Variants in SPATA13 observed in about 807,000 individuals in gnomAD.
SPATA13 encodes spermatogenesis associated 13.
A neutral mutation model predicts 104.0 loss-of-function variants in SPATA13; 50 were observed. That is an observed-to-expected ratio of 0.48 (90% CI 0.38 to 0.61). SPATA13 has a LOEUF of 0.61. Among genes scored for constraint, SPATA13 ranks in the 20% least tolerant of loss-of-function variants. The pLI, the probability that SPATA13 is intolerant of heterozygous loss-of-function variation, is 0.00. For synonymous variants in SPATA13, 606 were observed against 667.5 expected (o/e 0.91, Z 1.42); for missense variants, 1,524 against 1,690.6 (o/e 0.90, Z 1.73).
chr13:24,030,826 G>A (rs1258177262), intron 3 of SPATA13, among the ~76,000 whole-genome samples: 2 of 152,152 alleles, frequency 1.3e-5, no homozygotes, highest in African/African-American at 4.8e-5. Flanking sequence ...TGCCAGCAGT[G>A]GAAAAGACCT....
intron 1 of SPATA13, among the ~76,000 whole-genome samples, chr13:24,163,703 C>T (rs1423752226): frequency 1.3e-5 from 2 of 152,108 alleles, no homozygotes; most frequent in Non-Finnish European, 1.5e-5. Flanking sequence ...ATGAGGAAAC[C>T]GTGGTCCAGG....
intron 3 of SPATA13, among the ~76,000 whole-genome samples, chr13:24,129,263 T>C (rs7331492): frequency 0.67 from 102,050 of 152,176 alleles, 34,794 homozygotes; most frequent in East Asian, 0.87. Context: ...CATCAAAGTC[T>C]GAGTACAGCG....
At chr13:24,092,442 T>C (rs1029562179) in intron 3 of SPATA13, among the ~76,000 whole-genome samples, 3 of 152,220 alleles carry the variant, frequency 2.0e-5, no homozygotes, top group Non-Finnish European at 4.4e-5. Context: ...TAAAAAGAGA[T>C]AATGGTTTAT....
At chr13:24,107,237 CAAAAA>C (rs11421515) in intron 3 of SPATA13, among the ~76,000 whole-genome samples, 19 of 34,276 alleles carry the variant, frequency 5.5e-4, no homozygotes, top group African/African-American at 2.2e-3. Flanking sequence ...GAACAAGAGG[CAAAAA>C]AAAAAAAAAA....
chr13:24,032,998 A>G (rs1422302607), intron 3 of SPATA13, among the ~76,000 whole-genome samples: 1 of 152,238 alleles, frequency 6.6e-6, no homozygotes, highest in Non-Finnish European at 1.5e-5. Flanking sequence ...TGTGTAATAC[A>G]ATACTTTTCA....
intron 2 of SPATA13, among the ~76,000 whole-genome samples, chr13:24,012,072 T>G (rs1302331059): frequency 4.6e-5 from 7 of 152,208 alleles, no homozygotes; most frequent in African/African-American, 1.7e-4. Flanking sequence ...TGTCTGACCA[T>G]GGGCCCCAGC....
intron 3 of SPATA13, among the ~76,000 whole-genome samples, chr13:24,098,803 T>C (rs1245812139): frequency 6.6e-6 from 1 of 151,576 alleles, no homozygotes; most frequent in African/African-American, 2.4e-5. Context: ...GGTGCGTGCA[T>C]GTAGTCCTAG....
At chr13:24,042,142 G>A (rs1008992442) in intron 3 of SPATA13, among the ~76,000 whole-genome samples, 1 of 152,154 alleles carries the variant, frequency 6.6e-6, no homozygotes, top group Admixed American at 6.5e-5. Flanking sequence ...TCTGTGTCAC[G>A]GGAGCGTTGG....
intron 3 of SPATA13, among the ~76,000 whole-genome samples, chr13:24,042,992 C>A (rs192694828): frequency 6.0e-4 from 91 of 152,264 alleles, no homozygotes; most frequent in Non-Finnish European, 5.9e-5. Flanking sequence ...GAGAATGAAC[C>A]CTTTCGCAAT....
At chr13:24,197,159 A>G (rs1330715770) in intron 1 of SPATA13, among the ~76,000 whole-genome samples, 2 of 152,236 alleles carry the variant, frequency 1.3e-5, no homozygotes, top group Non-Finnish European at 1.5e-5. Context: ...AGGAAGACAT[A>G]TATCTTTAAT....
rs943650031 is a variant in SPATA13, at chr13:24,245,591, T to C, written c.1654-3886T>C. On this transcript the variant is annotated intron_variant, in intron 2 of 12. Transcript: ENST00000382108. The stretch of plus-strand genomic sequence containing the variant: ...GTAGAATTACAGTTGTTTCTTTTTT[T>C]TTTTTTTTTTTTTTTTTAGACAACA... 3.3e-3 allele frequency among the ~76,000 whole-genome samples: 477 copies of C among 145,078 alleles called. 5 individuals are homozygous for C. Among genetic ancestry groups the C allele is most frequent in the South Asian group, 0.018 (80 of 4,484 alleles).
upstream of SPATA13, among the ~76,000 whole-genome samples, chr13:24,160,221 G>A (rs533249326): frequency 6.6e-6 from 1 of 152,302 alleles, no homozygotes; most frequent in African/African-American, 2.4e-5. Context: ...GTGGGGGCTG[G>A]CTGGTGGCTG....
rs1001076740 is a variant in SPATA13 at position 23,982,199 on chromosome 13, C to G, written c.-353-1528C>G. Among the ~76,000 whole-genome samples the G allele has an allele frequency of 2.6e-5, 4 of 152,302 alleles. No individual in the cohort carries two copies. In the East Asian group the frequency reaches 5.8e-4, roughly 22 times the overall value. ...TGTCAGATTTCTTACTTTCCACTTG[C>G]AGCCACATTAGAGAGGTCATAGGAA... On this transcript the variant is annotated intron_variant, in intron 1 of 14. Transcript: ENST00000424834.
intron 3 of SPATA13, among the ~76,000 whole-genome samples, chr13:24,018,981 CTGAT>C (rs771722336): frequency 3.3e-5 from 5 of 152,088 alleles, no homozygotes; most frequent in African/African-American, 4.8e-5. Context: ...TGAGGCATAT[CTGAT>C]TGAGTGGATC....
intron 2 of SPATA13, among the ~76,000 whole-genome samples, chr13:23,987,826 T>C (rs887893175): frequency 7.9e-5 from 12 of 152,218 alleles, no homozygotes; most frequent in Non-Finnish European, 1.2e-4. Flanking sequence ...ATTTGGCTAC[T>C]CTAGGTACCT....
At chr13:24,141,484 A>G (rs1566119086) in intron 3 of SPATA13, among the ~76,000 whole-genome samples, 1 of 152,018 alleles carries the variant, frequency 6.6e-6, no homozygotes, top group Non-Finnish European at 1.5e-5. Context: ...TTACTCCTCA[A>G]AGCCTTCCTT....
rs568863111 is a variant in SPATA13 at position 24,192,893 on chromosome 13, TC to T, written c.-111-29924del. ...GGCACTTCCAGAGCCCAGCAGGTGG[TC>T]CTGGGAGCACTGGTAGAGATGGACA... On this transcript the variant is annotated intron_variant, in intron 1 of 12. Transcript: ENST00000382108. Among the ~76,000 whole-genome samples, 167 of 152,204 alleles carry T rather than the reference TC, an allele frequency of 1.1e-3. 1 individual carries two copies. Among genetic ancestry groups the T allele is most frequent in the Non-Finnish European group, 9.4e-4 (64 of 68,018 alleles).
At chr13:24,258,230 T>A in intron 4 of SPATA13, among the ~76,000 whole-genome samples, 1 of 122,298 alleles carries the variant, frequency 8.2e-6, no homozygotes, top group Non-Finnish European at 1.7e-5. Context: ...AGTGAAACTC[T>A]ATCTCAAAAA....
intron 2 of SPATA13, among the ~76,000 whole-genome samples, chr13:24,225,468 G>T (rs1468077785): frequency 1.3e-5 from 2 of 152,230 alleles, no homozygotes; most frequent in Non-Finnish European, 2.9e-5. Flanking sequence ...GCCTGTCACA[G>T]CCTGGTTCTC....
Sources: allele counts gnomAD v4.1 joint callset (sites outside exome capture counted in the v4.1 genomes callset), GRCh38; gene constraint gnomAD v4.1.1; transcripts MANE v1.5; gene names NCBI Gene and HGNC (gene_info 2026-07-23, HGNC 2026-07-21).